ZNF638: variants seen among roughly 807,000 people sequenced by gnomAD.
ZNF638 encodes zinc finger protein 638.
ZNF638 carries 46 observed loss-of-function variants against 195.6 expected under a neutral mutation model. The observed-to-expected ratio is 0.24, with a 90% CI of 0.19 to 0.30. The LOEUF is 0.30. Among genes scored for constraint, ZNF638 ranks in the 10% least tolerant of loss-of-function variants. The pLI, the probability that ZNF638 is intolerant of heterozygous loss-of-function variation, is 1.00. For synonymous variants in ZNF638, 845 were observed against 772.0 expected (o/e 1.09, Z -1.57); for missense variants, 2,440 against 2,325.3 (o/e 1.05, Z -1.01).
intron 1 of ZNF638, among the ~76,000 whole-genome samples, chr2:71,342,790 G>A (rs1030584421): frequency 2.6e-5 from 4 of 152,116 alleles, no homozygotes; most frequent in Admixed American, 6.5e-5. Context: ...AAGGGATGTT[G>A]GTTCCTAACA....
intron 21 of ZNF638, among the ~76,000 whole-genome samples, chr2:71,422,398 T>C (rs1166557035): frequency 6.6e-6 from 1 of 152,218 alleles, no homozygotes; most frequent in Non-Finnish European, 1.5e-5. Context: ...TATAAAATTT[T>C]AAATCATAAT....
At chr2:71,395,363 A>G in intron 10 of ZNF638, 1 of 710,804 alleles carries the variant, frequency 1.4e-6, no homozygotes, top group Non-Finnish European at 2.6e-6. Context: ...GAGATGTAGG[A>G]GATCAGTCAG....
At chr2:71,388,618 G>T (rs1279796084) in intron 10 of ZNF638, 1 of 805,580 alleles carries the variant, frequency 1.2e-6, no homozygotes, top group Non-Finnish European at 2.3e-6. Flanking sequence ...CCGTCGCTCG[G>T]CCAGAGTCGG....
intron 10 of ZNF638, chr2:71,395,776 T>C (rs557690333): frequency 2.6e-6 from 1 of 390,008 alleles, no homozygotes; most frequent in East Asian, 6.0e-5. Flanking sequence ...GTGTACTTTT[T>C]TCATCCGTCG....
At chr2:71,428,036 T>G (rs1291248024) in intron 24 of ZNF638, among the ~76,000 whole-genome samples, 5 of 151,626 alleles carry the variant, frequency 3.3e-5, no homozygotes, top group Non-Finnish European at 4.4e-5. Flanking sequence ...TACAAAAAAT[T>G]AAAAAATGAG....
intron 10 of ZNF638, among the ~76,000 whole-genome samples, chr2:71,382,164 T>G (rs1442172396): frequency 6.6e-6 from 1 of 152,188 alleles, no homozygotes; most frequent in Non-Finnish European, 1.5e-5. Context: ...TGATTACAAT[T>G]GGAAAACTCA....
intron 2 of ZNF638, among the ~76,000 whole-genome samples, chr2:71,354,370 C>T (rs1170710746): frequency 6.4e-5 from 9 of 141,470 alleles, no homozygotes; most frequent in Admixed American, 7.2e-5. Flanking sequence ...CCAGATGTAT[C>T]TTCCAGAGTT....
At chr2:71,411,925 G>A (rs1393809878) in intron 20 of ZNF638, among the ~76,000 whole-genome samples, 20 of 71,418 alleles carry the variant, frequency 2.8e-4, no homozygotes, top group Non-Finnish European at 4.4e-4. Context: ...GAATAGTGCC[G>A]CAATAAACAT....
chr2:71,375,354 A>G (rs1259466627), intron 8 of ZNF638: 2 of 152,238 alleles, frequency 1.3e-5, no homozygotes, highest in African/African-American at 4.8e-5. Context: ...CAGCTCCATA[A>G]TATCTTCAGG....
In ZNF638 at chr2:71,339,166, T is replaced by A. The variant is rs1008199591; in HGVS notation, c.-203+7291T>A. The stretch of plus-strand genomic sequence containing the variant: ...TCGGTTTAGGTTTTTTTTTTTTTTT[T>A]TTATTGAGACGGAGTCTCACTTGCA... On this transcript the variant is annotated intron_variant, in intron 1 of 27. Coordinates refer to ENST00000264447, the MANE Select transcript of ZNF638 (RefSeq NM_014497.5). Among the ~76,000 whole-genome samples the A allele has an allele frequency of 7.8e-5, 11 of 141,738 alleles. No homozygotes were observed. The South Asian group carries it at 1.7e-3, about 22-fold the overall frequency. The allele number at this position is 141,738 out of a possible 152,430, so 93.0% of individuals were successfully genotyped here. A position where few individuals can be genotyped will look rare whatever the true frequency, so the allele number is the denominator to read the frequency against.
At chr2:71,420,218 T>C (rs1191600191) in intron 21 of ZNF638, among the ~76,000 whole-genome samples, 1 of 151,894 alleles carries the variant, frequency 6.6e-6, no homozygotes, top group Admixed American at 6.6e-5. Context: ...ACTTGTTTTG[T>C]TTTGTTTTAA....
chr2:71,424,713 G>A lies in ZNF638; in HGVS notation c.4588G>A (p.Glu1530Lys). The change falls in exon 23 of 28, where the codon GAG (glutamate) becomes AAG (lysine). Residue 1530 changes from glutamate to lysine, a missense_variant and splice_region_variant. Coordinates refer to ENST00000264447, the MANE Select transcript of ZNF638 (RefSeq NM_014497.5). ...TACTGGTAGAAGTTCCAAATCTAAAGAGGTAAAAAATAGATCACAGACCCT... is the reference window on the plus strand; with the variant it reads ...TACTGGTAGAAGTTCCAAATCTAAAAAGGTAAAAAATAGATCACAGACCCT... ...STTGRSSKSK[E>K]EPLFPFNLDE... 4 of 1,612,654 alleles carry A rather than the reference G, an allele frequency of 2.5e-6. No homozygotes were observed. Among genetic ancestry groups the A allele is most frequent in the Non-Finnish European group, 3.4e-6 (4 of 1,179,142 alleles).
At chr2:71,389,433 T>C (rs1025957630) in intron 10 of ZNF638, among the ~76,000 whole-genome samples, 1 of 152,200 alleles carries the variant, frequency 6.6e-6, no homozygotes, top group African/African-American at 2.4e-5. Flanking sequence ...ACAACTTCTG[T>C]TTGGCCCCAT....
At chr2:71,393,985 C>G (rs2079842074) in intron 10 of ZNF638, among the ~76,000 whole-genome samples, 1 of 152,186 alleles carries the variant, frequency 6.6e-6, no homozygotes, top group Admixed American at 6.5e-5. Context: ...ATTCTTGTGC[C>G]AGTAGCCTCA....
chr2:71,388,419 T>A (rs1558861319), intron 10 of ZNF638: 1 of 678,006 alleles, frequency 1.5e-6, no homozygotes. Flanking sequence ...GCAGGACTGC[T>A]CCCTACAGGC....
intron 21 of ZNF638, among the ~76,000 whole-genome samples, chr2:71,420,449 A>G (rs575554714): frequency 2.2e-4 from 33 of 152,340 alleles, no homozygotes; most frequent in African/African-American, 7.9e-4. Context: ...TAGGAAGTAA[A>G]CAGTTGGCCT....
intron 25 of ZNF638, among the ~76,000 whole-genome samples, chr2:71,430,462 C>G (rs967416236): frequency 6.6e-6 from 1 of 152,022 alleles, no homozygotes; most frequent in Non-Finnish European, 1.5e-5. Flanking sequence ...CCTTGCCATC[C>G]CCTCAGGAAT....
In ZNF638 at chr2:71,428,690, A is replaced by G. The variant is rs200204662; in HGVS notation, c.5650+39A>G. ...GTTGGAATGGGAAGGAAAGTTACAC[A>G]ACACAGGAGAGTAGTTGAAGTTTAA... On this transcript the variant is annotated intron_variant, in intron 25 of 27. Coordinates refer to ENST00000264447, the MANE Select transcript of ZNF638 (RefSeq NM_014497.5). 1.9e-5 allele frequency: 29 copies of G among 1,518,936 alleles called. No individual in the cohort carries two copies. In the East Asian group the frequency reaches 6.3e-4, roughly 33 times the overall value. 94.1% of individuals were successfully genotyped at this position (1,518,936 alleles called of 1,614,324 possible). A position where few individuals can be genotyped will look rare whatever the true frequency, so the allele number is the denominator to read the frequency against.
chr2:71,348,028 A>G (rs941641047), intron 1 of ZNF638, among the ~76,000 whole-genome samples: 1 of 152,202 alleles, frequency 6.6e-6, no homozygotes. Flanking sequence ...ACAGTGCTCT[A>G]TATAGTTAAT....
Sources: allele counts gnomAD v4.1 joint callset (sites outside exome capture counted in the v4.1 genomes callset), GRCh38; gene constraint gnomAD v4.1.1; transcripts MANE v1.5; gene names NCBI Gene and HGNC (gene_info 2026-07-23, HGNC 2026-07-21).